FBXO42: variants seen among roughly 807,000 people sequenced by gnomAD.
FBXO42 encodes the protein F-box only protein 42.
FBXO42 carries 12 observed loss-of-function variants against 71.7 expected under a neutral mutation model. The observed-to-expected ratio is 0.17, with a 90% CI of 0.11 to 0.27. The LOEUF is 0.27. FBXO42 is among the 10% of genes least tolerant of loss of function. FBXO42 has a pLI of 1.00. For synonymous variants in FBXO42, 325 were observed against 327.5 expected, an observed-to-expected ratio of 0.99 and a Z score of 0.08; for missense variants, 707 against 911.9, an observed-to-expected ratio of 0.78 and a Z score of 2.89.
chr1:16,258,960 G>A (rs945998663), intron 4 of FBXO42, among the ~76,000 whole-genome samples: 1 of 151,878 alleles, frequency 6.6e-6, no homozygotes, highest in East Asian at 1.9e-4. Flanking sequence ...GGCTGGCCAC[G>A]AACTCCTGGC....
At position 16,294,773 on chromosome 1, in the gene FBXO42, C is replaced by G. The variant is rs755989623; in HGVS notation, c.502+10G>C. The G allele has an allele frequency of 3.1e-6, 5 of 1,612,664 alleles. No homozygotes were observed. The South Asian group carries it at 5.5e-5, about 18-fold the overall frequency. On this transcript the variant is annotated intron_variant, in intron 4 of 9. Coordinates refer to ENST00000375592, the MANE Select transcript of FBXO42 (RefSeq NM_018994.3). ...GGTAAGGAGGCAAAGATCAGCATTT[C>G]ATCTCTTACCTGAAGCCAAAGGTCG...
chr1:16,342,977 C>G (rs1340128308), intron 1 of FBXO42, among the ~76,000 whole-genome samples: 2 of 152,128 alleles, frequency 1.3e-5, no homozygotes, highest in Non-Finnish European at 2.9e-5. Context: ...GCTGGAAAGC[C>G]CTGCCAGAAG....
chr1:16,255,229 T>A (rs1012191030), intron 6 of FBXO42, among the ~76,000 whole-genome samples: 2 of 152,150 alleles, frequency 1.3e-5, no homozygotes, highest in Non-Finnish European at 2.9e-5. Context: ...ATAGAGCAAA[T>A]TTTTCAATTT....
At chr1:16,279,135 A>G (rs1257462340) in intron 4 of FBXO42, among the ~76,000 whole-genome samples, 2 of 152,106 alleles carry the variant, frequency 1.3e-5, no homozygotes, top group African/African-American at 4.8e-5. Flanking sequence ...ATTTTTAAGG[A>G]TATCCTGTGG....
At chr1:16,301,189 G>A (rs1023232601) in intron 3 of FBXO42, among the ~76,000 whole-genome samples, 4 of 151,940 alleles carry the variant, frequency 2.6e-5, no homozygotes, top group Non-Finnish European at 5.9e-5. Context: ...GTGAGCCTCT[G>A]CACCTGGCCC....
At chr1:16,324,328 T>C (rs1187969731) in intron 1 of FBXO42, among the ~76,000 whole-genome samples, 1 of 152,122 alleles carries the variant, frequency 6.6e-6, no homozygotes, top group Non-Finnish European at 1.5e-5. Flanking sequence ...AAAAAGAAGA[T>C]ATGTCACTAT....
rs1433145924 is a variant in FBXO42 at position 16,270,693 on chromosome 1, A to G, written c.503-13934T>C. 3.7e-3 allele frequency among the ~76,000 whole-genome samples: 23 copies of G among 6,264 alleles called. 1 individual carries two copies. The East Asian group carries it at 0.043, about 12-fold the overall frequency. 4.1% of individuals were successfully genotyped at this position (6,264 alleles called of 152,430 possible). On this transcript the variant is annotated intron_variant, in intron 4 of 9. Coordinates refer to ENST00000375592, the MANE Select transcript of FBXO42 (RefSeq NM_018994.3). ...GTCTCTCAAAAAAAAAAAAAAAAAA[A>G]AAAGAAAAGAAAAGAAAGAAGAAAA...
chr1:16,349,789 G>C (rs1053976110), intron 1 of FBXO42, among the ~76,000 whole-genome samples: 1 of 152,228 alleles, frequency 6.6e-6, no homozygotes, highest in African/African-American at 2.4e-5. Flanking sequence ...CTGAACCGGA[G>C]AGGTGGAGGT....
intron 4 of FBXO42, among the ~76,000 whole-genome samples, chr1:16,284,992 T>TA (rs911547223): frequency 3.5e-5 from 3 of 85,968 alleles, no homozygotes; most frequent in Non-Finnish European, 8.0e-5. Context: ...AAAACAAAAA[T>TA]AAAGTTAGCC....
chr1:16,252,266 A>AGCCTGTCAGCTCCCTGCTT lies in FBXO42; in HGVS notation c.1038+3_1038+21dup. The AGCCTGTCAGCTCCCTGCTT allele has an allele frequency of 6.4e-7, 1 of 1,569,456 alleles. No homozygotes were observed. Among genetic ancestry groups the AGCCTGTCAGCTCCCTGCTT allele is most frequent in the South Asian group, 1.1e-5 (1 of 90,240 alleles). ...ACAATTTAGGACCTGTCCTCCTGCT[A>AGCCTGTCAGCTCCCTGCTT]GCCTGTCAGCTCCCTGCTTACCCGG... On this transcript the variant is annotated intron_variant, in intron 9 of 9. Coordinates refer to ENST00000375592, the MANE Select transcript of FBXO42 (RefSeq NM_018994.3). This position sits in a 1 kb window ranked among gnomAD's most constrained non-coding sequence, Gnocchi z 4.4.
chr1:16,298,211 G>A (rs1015715405), intron 3 of FBXO42, among the ~76,000 whole-genome samples: 4 of 152,308 alleles, frequency 2.6e-5, no homozygotes, highest in Non-Finnish European at 4.4e-5. Flanking sequence ...GGGCGATAGA[G>A]CAAGACTCTG....
At chr1:16,258,406 G>C (rs1569814414) in intron 4 of FBXO42, among the ~76,000 whole-genome samples, 2 of 151,478 alleles carry the variant, frequency 1.3e-5, no homozygotes, top group Middle Eastern at 3.4e-3. Flanking sequence ...GCCCAGGCTG[G>C]AGTGCAGTGG....
At chr1:16,277,165 A>G (rs1040130588) in intron 4 of FBXO42, among the ~76,000 whole-genome samples, 9 of 152,244 alleles carry the variant, frequency 5.9e-5, no homozygotes, top group Non-Finnish European at 1.5e-5. Context: ...AATAGAAGCT[A>G]GGAGTATATT....
intron 4 of FBXO42, among the ~76,000 whole-genome samples, chr1:16,266,307 A>G (rs908213615): frequency 1.3e-5 from 2 of 152,212 alleles, no homozygotes; most frequent in African/African-American, 4.8e-5. Flanking sequence ...GAATTTGAGG[A>G]AAAGAGCCAT....
intron 1 of FBXO42, among the ~76,000 whole-genome samples, chr1:16,342,195 A>AAGACCAGCTTGACCAAC (rs1481265736): frequency 1.8e-4 from 27 of 151,862 alleles, no homozygotes; most frequent in African/African-American, 6.3e-4. Flanking sequence ...CTGGGAGTTC[A>AAGACCAGCTTGACCAAC]AGACCAGCTT....
intron 4 of FBXO42, among the ~76,000 whole-genome samples, chr1:16,282,286 C>T (rs202213874): frequency 7.4e-5 from 11 of 149,436 alleles, no homozygotes; most frequent in East Asian, 2.0e-4. Context: ...AGTGCAGTGG[C>T]GCGATCTCGG....
In FBXO42 at chr1:16,252,280, C is replaced by T. The variant is rs760926611; in HGVS notation, c.1038+8G>A. 2.4e-5 allele frequency: 39 copies of T among 1,609,644 alleles called. No individual in the cohort carries two copies. The highest frequency in any genetic ancestry group is 2.9e-5 in the Non-Finnish European group (34 of 1,175,974). On this transcript the variant is annotated splice_region_variant and intron_variant, in intron 9 of 9. Transcript: ENST00000375592. This position sits in a 1 kb window ranked among gnomAD's most constrained non-coding sequence, Gnocchi z 4.4. ...GTCCTCCTGCTAGCCTGTCAGCTCC[C>T]TGCTTACCCGGCAAGCTGGATGGCA... is the stretch of plus-strand genomic sequence containing the variant.
At chr1:16,274,719 G>T (rs1363622104) in intron 4 of FBXO42, among the ~76,000 whole-genome samples, 3 of 149,244 alleles carry the variant, frequency 2.0e-5, no homozygotes, top group Non-Finnish European at 4.4e-5. Context: ...AGCCTCGCAA[G>T]TAGCTGGGAC....
At chr1:16,328,970 C>A (rs140299109) in intron 1 of FBXO42, among the ~76,000 whole-genome samples, 4,038 of 151,668 alleles carry the variant, frequency 0.027, 185 homozygotes, top group African/African-American at 0.09. Flanking sequence ...CGAGACAAGC[C>A]TGACCAACAT....
Sources: allele counts gnomAD v4.1 joint callset (sites outside exome capture counted in the v4.1 genomes callset), GRCh38; gene constraint gnomAD v4.1.1; non-coding constraint Gnocchi (gnomAD v3.1); transcripts MANE v1.5; gene names NCBI Gene and HGNC (gene_info 2026-07-23, HGNC 2026-07-21).